SLC16A7: variants seen among roughly 807,000 people sequenced by gnomAD.
SLC16A7 encodes solute carrier family 16 member 7.
SLC16A7 carries 33 observed loss-of-function variants against 34.9 expected under a neutral mutation model. The ratio of observed to expected loss-of-function variants is 0.94; its 90% CI spans 0.72 to 1.26. SLC16A7 has a LOEUF of 1.26. Among genes scored for constraint, SLC16A7 ranks in the 50% most tolerant of loss-of-function variants. SLC16A7 has a pLI of 0.00. For synonymous variants in SLC16A7, 201 were observed against 206.6 expected (o/e 0.97, Z 0.23); for missense variants, 573 against 578.1 (o/e 0.99, Z 0.09).
chr12:59,680,459 G>A (rs770195711), intron 2 of SLC16A7, among the ~76,000 whole-genome samples: 3 of 152,180 alleles, frequency 2.0e-5, no homozygotes, highest in Non-Finnish European at 4.4e-5. Flanking sequence ...AGGCAGATAG[G>A]AGAGAAGGAG....
chr12:59,725,888 G>GAGTGTTGA (rs2137221820), intron 3 of SLC16A7, among the ~76,000 whole-genome samples: 1 of 152,120 alleles, frequency 6.6e-6, no homozygotes, highest in East Asian at 1.9e-4. Context: ...TTTAGTTTTT[G>GAGTGTTGA]AGTGTTGACA....
chr12:59,758,886 G>A (rs190092550), intron 3 of SLC16A7, among the ~76,000 whole-genome samples: 416 of 152,038 alleles, frequency 2.7e-3, no homozygotes, highest in Middle Eastern at 0.01. Context: ...ATTTTAATGC[G>A]TGTATGTATT....
chr12:59,711,054 T>A (rs562538082), intron 3 of SLC16A7, among the ~76,000 whole-genome samples: 73 of 152,350 alleles, frequency 4.8e-4, no homozygotes, highest in African/African-American at 1.7e-3. Flanking sequence ...CTAGGAAGAC[T>A]GCCACTATTC....
At chr12:59,669,587 G>A (rs1280530271) in intron 2 of SLC16A7, among the ~76,000 whole-genome samples, 1 of 150,610 alleles carries the variant, frequency 6.6e-6, no homozygotes, top group Non-Finnish European at 1.5e-5. Context: ...CTTTAGCCCA[G>A]TATTAGGTAT....
At chr12:59,661,838 A>C (rs1389415296) in intron 2 of SLC16A7, among the ~76,000 whole-genome samples, 1 of 152,116 alleles carries the variant, frequency 6.6e-6, no homozygotes, top group African/African-American at 2.4e-5. Flanking sequence ...ATGCTTATCA[A>C]GGTTAAAAGT....
chr12:59,755,883 A>G (rs1261170954), intron 3 of SLC16A7, among the ~76,000 whole-genome samples: 1 of 152,198 alleles, frequency 6.6e-6, no homozygotes. Flanking sequence ...TCACCAAAAC[A>G]GCATGGTACT....
At chr12:59,682,833 G>T (rs1244146580) in intron 2 of SLC16A7, among the ~76,000 whole-genome samples, 1 of 152,124 alleles carries the variant, frequency 6.6e-6, no homozygotes, top group Non-Finnish European at 1.5e-5. Context: ...ACTTTGGGAG[G>T]CCAAGGTGGG....
chr12:59,705,459 G>T (rs1873456077), intron 3 of SLC16A7, among the ~76,000 whole-genome samples: 1 of 152,092 alleles, frequency 6.6e-6, no homozygotes, highest in South Asian at 2.1e-4. Flanking sequence ...CAAAAATGAA[G>T]GGTTAACATG....
chr12:59,738,362 T>C (rs932384453), intron 3 of SLC16A7, among the ~76,000 whole-genome samples: 1 of 152,208 alleles, frequency 6.6e-6, no homozygotes, highest in Non-Finnish European at 1.5e-5. Context: ...GTGTGAATGA[T>C]TGTGAAATAC....
In SLC16A7 at chr12:59,788,707, A is replaced by T. The variant is rs1363614997; in HGVS notation, c.*9028A>T. On this transcript the variant is annotated 3_prime_UTR_variant, in exon 6 of 6. Coordinates refer to ENST00000547379, the MANE Select transcript of SLC16A7 (RefSeq NM_001270623.2). ...CTTGGGATACTTATTTATTTTTGAA[A>T]TTTTTGTATATATAGCATTTCTGAA... 6.6e-6 allele frequency: 1 copy of T among 151,976 alleles called. No homozygotes were observed. The highest frequency in any genetic ancestry group is 1.9e-4 in the East Asian group (1 of 5,194). The allele number at this position is 151,976 out of a possible 1,614,324, so 9.4% of individuals were successfully genotyped here. A position where few individuals can be genotyped will look rare whatever the true frequency, so the allele number is the denominator to read the frequency against.
rs1883675753 is a variant in SLC16A7 at position 59,787,092 on chromosome 12, A to G, written c.*7413A>G. 2 of 141,580 alleles carry G rather than the reference A, an allele frequency of 1.4e-5. No homozygotes were observed. The highest frequency in any genetic ancestry group is 2.9e-5 in the Non-Finnish European group (2 of 67,898). 8.8% of individuals were successfully genotyped at this position (141,580 alleles called of 1,614,324 possible). ...TATCAAAATCATTTAAAACATCAAT[A>G]TTGTATTAATAGAAAACATGTCAAT... On this transcript the variant is annotated 3_prime_UTR_variant, in exon 6 of 6. Coordinates refer to ENST00000547379, the MANE Select transcript of SLC16A7 (RefSeq NM_001270623.2).
intron 2 of SLC16A7, among the ~76,000 whole-genome samples, chr12:59,681,256 G>A (rs1870724835): frequency 6.6e-6 from 1 of 152,196 alleles, no homozygotes; most frequent in African/African-American, 2.4e-5. Flanking sequence ...CGAGACAAGT[G>A]TATGTACCAT....
intron 1 of SLC16A7, among the ~76,000 whole-genome samples, chr12:59,607,050 C>T (rs1878979217): frequency 6.6e-6 from 1 of 152,148 alleles, no homozygotes; most frequent in African/African-American, 2.4e-5. Flanking sequence ...TATATCCACA[C>T]CTGTTTGTTT....
intron 3 of SLC16A7, among the ~76,000 whole-genome samples, chr12:59,750,449 A>G (rs910546837): frequency 4.6e-5 from 7 of 152,246 alleles, no homozygotes; most frequent in African/African-American, 1.4e-4. Flanking sequence ...CAGCCAAGAA[A>G]CATGAAAAAA....
chr12:59,621,877 AATT>A (rs950120389), intron 1 of SLC16A7, among the ~76,000 whole-genome samples: 7 of 151,676 alleles, frequency 4.6e-5, no homozygotes, highest in Non-Finnish European at 1.0e-4. Flanking sequence ...GTTTTGAGGA[AATT>A]ATGCATTTTA....
chr12:59,749,402 G>T (rs1879249024), intron 3 of SLC16A7, among the ~76,000 whole-genome samples: 1 of 152,138 alleles, frequency 6.6e-6, no homozygotes, highest in South Asian at 2.1e-4. Flanking sequence ...CATACTGGCA[G>T]TTTTTTTGAT....
At chr12:59,662,644 T>C (rs1868917068) in intron 2 of SLC16A7, among the ~76,000 whole-genome samples, 1 of 152,130 alleles carries the variant, frequency 6.6e-6, no homozygotes, top group South Asian at 2.1e-4. Context: ...TTATCTCACA[T>C]CTCACAGAAC....
chr12:59,767,106 A>AG (rs1881736804), intron 3 of SLC16A7, among the ~76,000 whole-genome samples: 1 of 151,862 alleles, frequency 6.6e-6, no homozygotes, highest in African/African-American at 2.4e-5. Context: ...TAGATTTTCT[A>AG]GTTTATTAGC....
intron 2 of SLC16A7, among the ~76,000 whole-genome samples, chr12:59,702,693 A>C (rs1438206656): frequency 6.6e-6 from 1 of 152,072 alleles, no homozygotes; most frequent in Non-Finnish European, 1.5e-5. Context: ...CTTTCAAGTT[A>C]TTTTATTCAT....
Sources: allele counts gnomAD v4.1 joint callset (sites outside exome capture counted in the v4.1 genomes callset), GRCh38; gene constraint gnomAD v4.1.1; transcripts MANE v1.5; gene names NCBI Gene and HGNC (gene_info 2026-07-23, HGNC 2026-07-21).